The following NAALADL2 variants were observed in gnomAD, a reference collection of about 807,000 sequenced individuals.
NAALADL2 encodes inactive N-acetylated-alpha-linked acidic dipeptidase-like protein 2.
Under a neutral mutation model 87.2 loss-of-function variants are expected in NAALADL2, and 76 were observed. The observed-to-expected ratio is 0.87, with a 90% CI of 0.72 to 1.05. The LOEUF is 1.05. Ranked by LOEUF, NAALADL2 falls within the 50% of genes least tolerant of loss-of-function variation. The pLI, the probability that NAALADL2 is intolerant of heterozygous loss-of-function variation, is 0.00. For missense variants in NAALADL2, 1,089 were observed against 945.8 expected, an observed-to-expected ratio of 1.15 and a Z score of -1.99; for synonymous variants, 354 against 331.0, an observed-to-expected ratio of 1.07 and a Z score of -0.75.
At chr3:174,535,282 C>T (rs1468294825) in intron 1 of NAALADL2, among the ~76,000 whole-genome samples, 1 of 151,914 alleles carries the variant, frequency 6.6e-6, no homozygotes, top group African/African-American at 2.4e-5. Flanking sequence ...CTTAAAGTAC[C>T]CAGATGACTT....
intron 3 of NAALADL2, among the ~76,000 whole-genome samples, chr3:174,768,069 A>T (rs2109097038): frequency 6.6e-6 from 1 of 152,306 alleles, no homozygotes; most frequent in Non-Finnish European, 1.5e-5. Context: ...GAAGCAAGTC[A>T]CCCAAGCAAG....
intron 3 of NAALADL2, among the ~76,000 whole-genome samples, chr3:174,822,994 C>T (rs1349403407): frequency 6.6e-6 from 1 of 152,148 alleles, no homozygotes; most frequent in Non-Finnish European, 1.5e-5. Flanking sequence ...ATTCCTCTGT[C>T]CATATCTTTT....
At chr3:175,799,401 T>C (rs1327161930) in intron 13 of NAALADL2, among the ~76,000 whole-genome samples, 1 of 152,154 alleles carries the variant, frequency 6.6e-6, no homozygotes, top group African/African-American at 2.4e-5. Flanking sequence ...TAAATGACTT[T>C]TTCATCATTT....
intron 9 of NAALADL2, among the ~76,000 whole-genome samples, chr3:175,485,056 A>G (rs769791188): frequency 2.0e-5 from 3 of 152,116 alleles, no homozygotes; most frequent in Non-Finnish European, 4.4e-5. Context: ...AGAAAAAGTG[A>G]TCCTGGTTTA....
At chr3:175,221,255 T>A (rs1743331288) in intron 2 of NAALADL2, among the ~76,000 whole-genome samples, 1 of 152,044 alleles carries the variant, frequency 6.6e-6, no homozygotes, top group African/African-American at 2.4e-5. Context: ...ACTTATTGGT[T>A]ATTTAGAAGG....
intron 2 of NAALADL2, among the ~76,000 whole-genome samples, chr3:175,128,631 T>G (rs1727329272): frequency 6.6e-6 from 1 of 152,076 alleles, no homozygotes; most frequent in Admixed American, 6.5e-5. Context: ...CAAGGAGAAA[T>G]GTATTTTCAA....
chr3:174,686,508 T>G (rs1728056239), intron 2 of NAALADL2, among the ~76,000 whole-genome samples: 1 of 151,894 alleles, frequency 6.6e-6, no homozygotes, highest in Admixed American at 6.6e-5. Context: ...TCCACATGAT[T>G]ATTGGCTGCT....
At chr3:174,540,666 C>A (rs1434853661) in intron 1 of NAALADL2, 1 of 152,150 alleles carries the variant, frequency 6.6e-6, no homozygotes, top group African/African-American at 2.4e-5. Flanking sequence ...TACAATGGGG[C>A]ATAAATTTAC....
intron 2 of NAALADL2, among the ~76,000 whole-genome samples, chr3:175,228,635 T>G (rs1409715372): frequency 2.0e-5 from 3 of 151,984 alleles, no homozygotes; most frequent in Non-Finnish European, 4.4e-5. Flanking sequence ...TAAAAAATTC[T>G]TAAATTAAAA....
intron 3 of NAALADL2, among the ~76,000 whole-genome samples, chr3:174,739,892 A>G (rs1049745767): frequency 5.3e-5 from 8 of 152,084 alleles, no homozygotes; most frequent in Non-Finnish European, 1.0e-4. Flanking sequence ...TCTGTCTTCC[A>G]AAGATTGCAC....
At chr3:174,758,145 G>T (rs1354223905) in intron 3 of NAALADL2, among the ~76,000 whole-genome samples, 5 of 152,112 alleles carry the variant, frequency 3.3e-5, no homozygotes, top group Admixed American at 1.3e-4. Flanking sequence ...AACCAGCAAA[G>T]ACCCCTGTCC....
chr3:175,021,353 A>G (rs1401006293), intron 1 of NAALADL2, among the ~76,000 whole-genome samples: 1 of 152,078 alleles, frequency 6.6e-6, no homozygotes, highest in Non-Finnish European at 1.5e-5. Context: ...TGGTCAATAA[A>G]TATTTGAGTA....
chr3:175,515,593 A>T (rs1731724260), intron 9 of NAALADL2, among the ~76,000 whole-genome samples: 2 of 152,114 alleles, frequency 1.3e-5, no homozygotes, highest in African/African-American at 4.8e-5. Context: ...ATAAATACAC[A>T]ACTGCCCAAA....
At chr3:174,743,406 A>C (rs1280092880) in intron 3 of NAALADL2, among the ~76,000 whole-genome samples, 3 of 151,846 alleles carry the variant, frequency 2.0e-5, no homozygotes, top group African/African-American at 7.2e-5. Flanking sequence ...TGAACTTGTA[A>C]AATTGAATTG....
chr3:174,847,487 C>T lies in NAALADL2; in HGVS notation c.-9+109741C>T, dbSNP rs1281498060. On this transcript the variant is annotated intron_variant, in intron 3 of 3. Transcript: ENST00000434257. Reference sequence around the variant, plus strand: ...ATAAACTTTTAAAAAATAGGCTAAACTCAGAAAATTTTATGTGCCATTAGT... The same window carrying T: ...ATAAACTTTTAAAAAATAGGCTAAATTCAGAAAATTTTATGTGCCATTAGT... Among the ~76,000 whole-genome samples, 4 of 152,066 alleles carry T rather than the reference C, an allele frequency of 2.6e-5. No individual in the cohort carries two copies. The East Asian group carries it at 5.8e-4, about 22-fold the overall frequency.
chr3:174,976,643 A>T (rs1744397721), intron 1 of NAALADL2, among the ~76,000 whole-genome samples: 1 of 152,224 alleles, frequency 6.6e-6, no homozygotes, highest in Admixed American at 6.5e-5. Flanking sequence ...GTGCTTGGGT[A>T]GATACACCCA....
At chr3:174,685,127 C>G (rs914523053) in intron 2 of NAALADL2, among the ~76,000 whole-genome samples, 1 of 152,062 alleles carries the variant, frequency 6.6e-6, no homozygotes, top group African/African-American at 2.4e-5. Flanking sequence ...ATATCCTACG[C>G]TCAGATCTCT....
At chr3:174,787,590 T>TATATATATAC (rs1560225535) in intron 3 of NAALADL2, among the ~76,000 whole-genome samples, 4 of 64,498 alleles carry the variant, frequency 6.2e-5, no homozygotes, top group South Asian at 6.7e-4. Flanking sequence ...TATATATATA[T>TATATATATAC]ATATATATAT....
chr3:175,651,380 A>T (rs137893634), intron 11 of NAALADL2, among the ~76,000 whole-genome samples: 1 of 152,226 alleles, frequency 6.6e-6, no homozygotes, highest in East Asian at 1.9e-4. Context: ...GCTTGAATGA[A>T]CCTATAGTAT....
Sources: gnomAD v4.1 joint callset for allele counts (sites outside exome capture counted in the v4.1 genomes callset) on GRCh38, gnomAD v4.1.1 for gene constraint, MANE v1.5 for transcripts, NCBI Gene and HGNC (gene_info 2026-07-23, HGNC 2026-07-21) for gene names.